Variants in RBFOX1 observed in about 807,000 individuals in gnomAD.
The protein encoded by RBFOX1 is RNA binding protein fox-1 homolog 1.
RBFOX1 carries 8 observed loss-of-function variants against 57.7 expected under a neutral mutation model. The ratio of observed to expected loss-of-function variants is 0.14; its 90% CI spans 0.08 to 0.25. RBFOX1 has a LOEUF of 0.25. Among genes scored for constraint, RBFOX1 ranks in the 10% least tolerant of loss-of-function variants. RBFOX1 has a pLI of 1.00. For synonymous variants in RBFOX1, 326 were observed against 222.4 expected (o/e 1.47, Z -4.15); for missense variants, 611 against 548.5 (o/e 1.11, Z -1.14).
At chr16:6,603,952 C>A (rs1335316983) in intron 2 of RBFOX1, among the ~76,000 whole-genome samples, 1 of 151,680 alleles carries the variant, frequency 6.6e-6, no homozygotes, top group African/African-American at 2.4e-5. Context: ...TGGTTTGTGG[C>A]TTCTTCCCTC....
intron 4 of RBFOX1, among the ~76,000 whole-genome samples, chr16:5,984,190 C>T (rs1352238251): frequency 1.3e-4 from 13 of 100,848 alleles, no homozygotes; most frequent in African/African-American, 5.3e-4. Flanking sequence ...CCCTCCTCCT[C>T]TCCTTCCCCT....
chr16:6,566,294 A>T (rs1190333784), intron 2 of RBFOX1, among the ~76,000 whole-genome samples: 1 of 152,082 alleles, frequency 6.6e-6, no homozygotes, highest in Non-Finnish European at 1.5e-5. Context: ...GCGAACAGCT[A>T]TGCCTAATTG....
chr16:6,764,759 A>G (rs1375553583), intron 3 of RBFOX1, among the ~76,000 whole-genome samples: 1 of 152,112 alleles, frequency 6.6e-6, no homozygotes, highest in Non-Finnish European at 1.5e-5. Flanking sequence ...CAACATGGTG[A>G]AACCCTGTCT....
In RBFOX1 at chr16:7,011,901, A is replaced by G. The variant is rs547120071; in HGVS notation, c.-15-40156A>G. On this transcript the variant is annotated intron_variant, in intron 3 of 15. Transcript: ENST00000550418. Reference sequence around the variant, plus strand: ...ATGATGTTAGCTCAAGTGGTATTGCATGCTCTTCCACCCCATCTTCTGCAC... The same window carrying G: ...ATGATGTTAGCTCAAGTGGTATTGCGTGCTCTTCCACCCCATCTTCTGCAC... 8.5e-5 allele frequency among the ~76,000 whole-genome samples: 13 copies of G among 152,318 alleles called. No individual in the cohort carries two copies. In the South Asian group the frequency reaches 2.1e-3, roughly 24 times the overall value.
At chr16:6,745,622 A>G (rs900646461) in intron 3 of RBFOX1, among the ~76,000 whole-genome samples, 5 of 152,230 alleles carry the variant, frequency 3.3e-5, no homozygotes, top group African/African-American at 1.2e-4. Flanking sequence ...TAAAAAGCTC[A>G]GCAAGAATAG....
intron 1 of RBFOX1, among the ~76,000 whole-genome samples, chr16:6,259,623 C>T (rs1235338875): frequency 6.6e-6 from 1 of 151,940 alleles, no homozygotes; most frequent in African/African-American, 2.4e-5. Flanking sequence ...GGATTGGTGA[C>T]TGAAAAATAT....
At chr16:5,455,021 T>TTCTTTCTTTC (rs1317448150) in intron 1 of RBFOX1, among the ~76,000 whole-genome samples, 3 of 113,178 alleles carry the variant, frequency 2.7e-5, no homozygotes, top group African/African-American at 3.4e-5. Flanking sequence ...CTTTCTTTCT[T>TTCTTTCTTTC]TCTCTCTCTC....
intron 4 of RBFOX1, among the ~76,000 whole-genome samples, chr16:7,078,466 G>A (rs867755875): frequency 1.3e-5 from 2 of 151,218 alleles, no homozygotes; most frequent in African/African-American, 4.9e-5. Flanking sequence ...TCCTACCTCA[G>A]TCTCCCGAGT....
intron 4 of RBFOX1, among the ~76,000 whole-genome samples, chr16:7,112,743 T>C (rs1217858945): frequency 6.7e-6 from 1 of 150,300 alleles, no homozygotes; most frequent in Non-Finnish European, 1.5e-5. Context: ...TCTTGTGACC[T>C]TGATTCACAA....
chr16:6,768,243 T>C (rs2077694421), intron 3 of RBFOX1, among the ~76,000 whole-genome samples: 1 of 152,102 alleles, frequency 6.6e-6, no homozygotes, highest in East Asian at 1.9e-4. Context: ...GACCTCACTT[T>C]TTACTCCATA....
At chr16:6,602,099 T>C (rs1166334643) in intron 2 of RBFOX1, among the ~76,000 whole-genome samples, 1 of 152,208 alleles carries the variant, frequency 6.6e-6, no homozygotes, top group African/African-American at 2.4e-5. Flanking sequence ...AAGTTGTTTA[T>C]TGGCCATTTG....
intron 3 of RBFOX1, among the ~76,000 whole-genome samples, chr16:6,896,690 G>C (rs1364582822): frequency 2.0e-5 from 3 of 152,138 alleles, no homozygotes; most frequent in East Asian, 3.9e-4. Flanking sequence ...TGCTGCTGTG[G>C]TCATTGTGTT....
intron 3 of RBFOX1, among the ~76,000 whole-genome samples, chr16:6,971,681 A>T (rs1356009214): frequency 1.3e-5 from 2 of 152,080 alleles, no homozygotes; most frequent in Admixed American, 1.3e-4. Flanking sequence ...CTGGATAGAG[A>T]TGACTGTTGT....
At chr16:7,322,183 C>T (rs908713256) in intron 4 of RBFOX1, among the ~76,000 whole-genome samples, 5 of 152,208 alleles carry the variant, frequency 3.3e-5, no homozygotes, top group African/African-American at 1.2e-4. Flanking sequence ...AAGCCATCTC[C>T]TGTTCTGAGA....
chr16:6,669,226 A>C (rs2154107922), intron 3 of RBFOX1, among the ~76,000 whole-genome samples: 1 of 152,352 alleles, frequency 6.6e-6, no homozygotes, highest in Non-Finnish European at 1.5e-5. Flanking sequence ...ATGCAATAAC[A>C]ACAGAATTCA....
At chr16:5,249,316 G>A (rs879898377) in intron 1 of RBFOX1, among the ~76,000 whole-genome samples, 3 of 152,072 alleles carry the variant, frequency 2.0e-5, no homozygotes, top group Non-Finnish European at 4.4e-5. Context: ...ACCCCTGACT[G>A]TGCCCCCCAC....
chr16:5,465,204 C>G (rs2068916038), intron 1 of RBFOX1, among the ~76,000 whole-genome samples: 1 of 152,142 alleles, frequency 6.6e-6, no homozygotes, highest in Non-Finnish European at 1.5e-5. Context: ...TCTTCTGAGG[C>G]CCCTCTCCTT....
At chr16:6,352,160 T>C (rs1222029323) in intron 2 of RBFOX1, among the ~76,000 whole-genome samples, 4 of 152,188 alleles carry the variant, frequency 2.6e-5, no homozygotes, top group Admixed American at 2.6e-4. Flanking sequence ...CTATCTCAAG[T>C]CCCAGACCTC....
intron 1 of RBFOX1, among the ~76,000 whole-genome samples, chr16:5,352,647 A>T (rs2065287878): frequency 6.6e-6 from 1 of 152,212 alleles, no homozygotes; most frequent in African/African-American, 2.4e-5. Flanking sequence ...ATTTAATGAT[A>T]ATAAAATACT....
Sources: gnomAD v4.1 joint callset for allele counts (sites outside exome capture counted in the v4.1 genomes callset) on GRCh38, gnomAD v4.1.1 for gene constraint, MANE v1.5 for transcripts, NCBI Gene and HGNC (gene_info 2026-07-23, HGNC 2026-07-21) for gene names.